The following EIF2B1 variants were observed in gnomAD, a reference collection of about 807,000 sequenced individuals.
EIF2B1 encodes the protein translation initiation factor eIF2B subunit alpha.
EIF2B1 carries 30 observed loss-of-function variants against 36.8 expected under a neutral mutation model. The ratio of observed to expected loss-of-function variants is 0.81; its 90% CI spans 0.61 to 1.10. EIF2B1 has a LOEUF of 1.10. Among genes scored for constraint, EIF2B1 ranks in the 50% least tolerant of loss-of-function variants. The pLI, the probability that EIF2B1 is intolerant of heterozygous loss-of-function variation, is 0.00. For missense variants in EIF2B1, 271 were observed against 374.8 expected (o/e 0.72, Z 2.29); for synonymous variants, 139 against 142.2 (o/e 0.98, Z 0.16).
In EIF2B1 at chr12:123,630,263, A is replaced by T; in HGVS notation, c.275T>A (p.Ile92Asn). 1 of 1,614,212 alleles carries T rather than the reference A, an allele frequency of 6.2e-7. No individual in the cohort carries two copies. The highest frequency in any genetic ancestry group is 8.5e-7 in the Non-Finnish European group (1 of 1,180,046). ...AAAAAGTTCTCCCCGCTCAATCATG[A>T]TCTTTTTACATTTGGAGTAATCCTA... is the stretch of plus-strand genomic sequence containing the variant. ...EYSDYSKCKKIMIERGELFLR... is the reference protein window; with the variant it reads ...EYSDYSKCKKNMIERGELFLR... The change falls in exon 4 of 9, where the codon ATC becomes AAC. Residue 92 changes from isoleucine to asparagine, a missense_variant. Transcript: ENST00000424014. This position sits in a 1 kb window ranked among gnomAD's most constrained non-coding sequence, Gnocchi z 4.6.
At chr12:123,632,203 G>A (rs1283302142) in intron 2 of EIF2B1, 142 bp downstream of exon 2, 4 of 665,506 alleles carry the variant, frequency 6.0e-6, no homozygotes, top group Non-Finnish European at 1.1e-5. Context: ...AGGAGGCGGA[G>A]GTTGCAGTGA....
Position 123,632,124 on chromosome 12 carries a change from C to A in EIF2B1, c.115+221G>T, listed in dbSNP as rs550570949. Among the ~76,000 whole-genome samples the A allele has an allele frequency of 4.9e-4, 74 of 151,606 alleles. 1 individual carries two copies. Among genetic ancestry groups the A allele is most frequent in the African/African-American group, 1.8e-3 (74 of 41,296 alleles). On this transcript the variant is annotated intron_variant, in intron 2 of 8. Transcript: ENST00000424014. ...GTCTCTAAAATACAAAAAAATTAGC[C>A]GGACAAGGTGGTGCACACCTATAAT...
At position 123,621,523 on chromosome 12, in the gene EIF2B1, A is replaced by C. The variant is rs1955098262; in HGVS notation, c.*233T>G. On this transcript the variant is annotated 3_prime_UTR_variant, in exon 9 of 9. Transcript: ENST00000424014. The stretch of plus-strand genomic sequence containing the variant: ...TGTATTTCTGGAAACTGAAAAGGAA[A>C]GTTTCTAGAAACCGTAAGAACAATT... 1 of 561,658 alleles carries C rather than the reference A, an allele frequency of 1.8e-6. No individual in the cohort carries two copies. Among genetic ancestry groups the C allele is most frequent in the East Asian group, 3.2e-5 (1 of 30,818 alleles). The allele number at this position is 561,658 out of a possible 1,614,324, so 34.8% of individuals were successfully genotyped here.
rs1332707995 is a variant in EIF2B1, at chr12:123,620,579, A to ATTTT, written c.*1176_*1177insAAAA. On this transcript the variant is annotated 3_prime_UTR_variant, in exon 9 of 9. Transcript: ENST00000424014. The stretch of plus-strand genomic sequence containing the variant: ...GGGTCACATATAGACATATGTACAT[A>ATTTT]TTATATATATATATATATATATATA... 6.3e-4 allele frequency: 45 copies of ATTTT among 70,938 alleles called. No homozygotes were observed. Among genetic ancestry groups the ATTTT allele is most frequent in the African/African-American group, 2.1e-3 (41 of 19,640 alleles). The allele number at this position is 70,938 out of a possible 1,614,324, so 4.4% of individuals were successfully genotyped here.
intron 4 of EIF2B1, among the ~76,000 whole-genome samples, chr12:123,629,413 T>C (rs1241837144): frequency 6.6e-6 from 1 of 152,210 alleles, no homozygotes; most frequent in Non-Finnish European, 1.5e-5. Context: ...GTCCTCAGTG[T>C]TAACCAGTGA....
chr12:123,632,802 C>T (rs1336248580), intron 1 of EIF2B1, among the ~76,000 whole-genome samples: 88 of 151,700 alleles, frequency 5.8e-4, no homozygotes, highest in African/African-American at 1.7e-3. Context: ...AAAAATTAGC[C>T]GGGCGTAGTG....
At chr12:123,624,256 CT>C (rs11289720) in intron 7 of EIF2B1, among the ~76,000 whole-genome samples, 23,847 of 128,968 alleles carry the variant, frequency 0.18, 2,321 homozygotes, top group African/African-American at 0.28. Flanking sequence ...ATAAATTACA[CT>C]TTTTTTTTTT....
chr12:123,631,806 CAA>C (rs36090968), intron 2 of EIF2B1, among the ~76,000 whole-genome samples: 128 of 128,232 alleles, frequency 1.0e-3, no homozygotes, highest in African/African-American at 1.3e-3. Context: ...GACTCCGTCT[CAA>C]AAAAAAAAAA....
intron 2 of EIF2B1, among the ~76,000 whole-genome samples, 163 bp downstream of exon 2, chr12:123,632,182 T>C (rs879123749): frequency 3.4e-5 from 5 of 145,124 alleles, no homozygotes; most frequent in African/African-American, 1.3e-4. Flanking sequence ...GCAGGAGAAT[T>C]GCTTGAACCC....
intron 1 of EIF2B1, 117 bp downstream of exon 1, chr12:123,633,428 G>T: frequency 6.8e-7 from 1 of 1,476,888 alleles, no homozygotes; most frequent in Non-Finnish European, 9.4e-7. Context: ...CACAACCAGC[G>T]GAGCAGCCTG....
chr12:123,629,400 A>G (rs1383915087), intron 4 of EIF2B1, among the ~76,000 whole-genome samples: 2 of 152,230 alleles, frequency 1.3e-5, no homozygotes, highest in African/African-American at 4.8e-5. Flanking sequence ...CTTCACTAAG[A>G]AAGTCCTCAG....
chr12:123,620,583 TA>T lies in EIF2B1; in HGVS notation c.*1172del, dbSNP rs58259285. ...CACATATAGACATATGTACATATTA[TA>T]TATATATATATATATATATATATAT... On this transcript the variant is annotated 3_prime_UTR_variant, in exon 9 of 9. Coordinates refer to ENST00000424014, the MANE Select transcript of EIF2B1 (RefSeq NM_001414.4). The T allele has an allele frequency of 0.03, 767 of 25,418 alleles. 16 individuals carry two copies. The highest frequency in any genetic ancestry group is 0.081 in the African/African-American group (610 of 7,542). The allele number at this position is 25,418 out of a possible 1,614,324, so 1.6% of individuals were successfully genotyped here.
At chr12:123,626,076 T>C in intron 6 of EIF2B1, 1 of 285,044 alleles carries the variant, frequency 3.5e-6, no homozygotes, top group East Asian at 7.9e-5. Flanking sequence ...GAGATTGCAG[T>C]GAACCAAGAT....
At chr12:123,626,555 C>G (rs1208070838) in intron 5 of EIF2B1, 62 bp from the exon 6 acceptor site, 2 of 1,573,006 alleles carry the variant, frequency 1.3e-6, no homozygotes, top group African/African-American at 2.7e-5. Flanking sequence ...TGATGTATGT[C>G]ACCTAATGTG....
chr12:123,623,146 C>T (rs555362434), intron 7 of EIF2B1, among the ~76,000 whole-genome samples: 368 of 152,050 alleles, frequency 2.4e-3, no homozygotes, highest in African/African-American at 7.8e-3. Context: ...TTTGGGAGGC[C>T]GAGGTGGGTG....
chr12:123,625,787 C>G (rs1955143914), intron 6 of EIF2B1, among the ~76,000 whole-genome samples: 1 of 152,194 alleles, frequency 6.6e-6, no homozygotes, highest in African/African-American at 2.4e-5. Flanking sequence ...ATACAGAGCC[C>G]TGATTACCCT....
chr12:123,624,797 A>C lies in EIF2B1; in HGVS notation c.617T>G (p.Ile206Ser), dbSNP rs1055059168. Residue 206 changes from isoleucine to serine, a missense_variant, in exon 7 of 9, where the codon ATT becomes AGT. Physicochemically the swap from Ile to Ser is moderately radical, Grantham distance 142. Coordinates refer to ENST00000424014, the MANE Select transcript of EIF2B1 (RefSeq NM_001414.4). ...GAEGVVENGG[I>S]INKIGTNQMA... ...AACTGATGCTCTTACCTTGTTAATA[A>C]TTCCTCCGTTTTCAACAACTCCTTC... 4.3e-6 allele frequency: 7 copies of C among 1,613,902 alleles called. No homozygotes were observed. In the African/African-American group the frequency reaches 8.0e-5, roughly 18 times the overall value.
At chr12:123,626,340 G>C (rs2135763029) in intron 6 of EIF2B1, 85 bp downstream of exon 6, 13 of 1,539,530 alleles carry the variant, frequency 8.4e-6, no homozygotes, top group Non-Finnish European at 1.1e-5. Flanking sequence ...TTTATGAACG[G>C]GACTCAAACT....
intron 4 of EIF2B1, among the ~76,000 whole-genome samples, chr12:123,629,068 C>T (rs1364802371): frequency 6.6e-6 from 1 of 152,146 alleles, no homozygotes; most frequent in African/African-American, 2.4e-5. Flanking sequence ...GGCTTTTCTA[C>T]AAGTTTCACT....
Sources: gnomAD v4.1 joint callset for allele counts (sites outside exome capture counted in the v4.1 genomes callset) on GRCh38, gnomAD v4.1.1 for gene constraint, Gnocchi (gnomAD v3.1) non-coding constraint, MANE v1.5 for transcripts, NCBI Gene and HGNC (gene_info 2026-07-23, HGNC 2026-07-21) for gene names.